The following KCNJ15 variants were observed in gnomAD, a reference collection of about 807,000 sequenced individuals.
KCNJ15 encodes ATP-sensitive inward rectifier potassium channel 15.
Under a neutral mutation model 23.0 loss-of-function variants are expected in KCNJ15, and 14 were observed. That is an observed-to-expected ratio of 0.61 (90% CI 0.40 to 0.95). KCNJ15 has a LOEUF of 0.95. KCNJ15 is among the 40% of genes least tolerant of loss of function. The pLI is 0.00. For missense variants in KCNJ15, 388 were observed against 461.8 expected (o/e 0.84, Z 1.46); for synonymous variants, 185 against 183.2 (o/e 1.01, Z -0.08).
chr21:38,289,447 T>C lies in KCNJ15; in HGVS notation c.-116-7479T>C, dbSNP rs570979174. Among the ~76,000 whole-genome samples, 7 of 152,028 alleles carry C rather than the reference T, an allele frequency of 4.6e-5. 1 individual carries two copies. The highest frequency in any genetic ancestry group is 3.9e-4 in the Admixed American group (6 of 15,274). ...AGAAATCTCTTTCCTAAGGAGAAAA[T>C]TGGGACCAGGAGCAGTGGCTCACAC... On this transcript the variant is annotated intron_variant, in intron 1 of 2. Coordinates refer to ENST00000398938, the MANE Select transcript of KCNJ15 (RefSeq NM_170736.3).
At chr21:38,295,298 C>T (rs1032406772) in intron 1 of KCNJ15, among the ~76,000 whole-genome samples, 1 of 152,156 alleles carries the variant, frequency 6.6e-6, no homozygotes, top group Non-Finnish European at 1.5e-5. Context: ...TCCTGGAAAA[C>T]ACAGCATTCC....
chr21:38,254,707 G>T (rs1304042090), upstream of KCNJ15, among the ~76,000 whole-genome samples: 3 of 152,184 alleles, frequency 2.0e-5, no homozygotes, highest in Non-Finnish European at 2.9e-5. Flanking sequence ...TCGCTCTGTA[G>T]CTGTGTGACT....
intron 1 of KCNJ15, among the ~76,000 whole-genome samples, chr21:38,273,997 C>T (rs1224388265): frequency 6.6e-6 from 1 of 152,208 alleles, no homozygotes; most frequent in Admixed American, 6.5e-5. Flanking sequence ...GTGCTGTGAC[C>T]TTGAGCATTT....
At chr21:38,235,793 G>A (rs1221047907) in intron 1 of KCNJ15, among the ~76,000 whole-genome samples, 1 of 152,112 alleles carries the variant, frequency 6.6e-6, no homozygotes, top group African/African-American at 2.4e-5. Flanking sequence ...AAGATACTGA[G>A]TACTTAAAGT....
chr21:38,271,854 G>A (rs1024645350), intron 1 of KCNJ15, among the ~76,000 whole-genome samples: 1 of 152,180 alleles, frequency 6.6e-6, no homozygotes, highest in African/African-American at 2.4e-5. Flanking sequence ...CCGAAGGCAG[G>A]TGAGATCCAC....
At chr21:38,261,855 G>A (rs1331150819) in intron 1 of KCNJ15, among the ~76,000 whole-genome samples, 1 of 152,184 alleles carries the variant, frequency 6.6e-6, no homozygotes, top group Non-Finnish European at 1.5e-5. Flanking sequence ...GCAGACTTGA[G>A]GGCTTGCCCC....
chr21:38,275,774 G>C (rs1486647472), intron 1 of KCNJ15, among the ~76,000 whole-genome samples: 1 of 152,192 alleles, frequency 6.6e-6, no homozygotes, highest in Non-Finnish European at 1.5e-5. Context: ...AATCAATTGG[G>C]AGTACTTGAA....
rs1985744700 is a variant in KCNJ15, at chr21:38,301,072, C to T, written c.*683C>T. The T allele has an allele frequency of 1.8e-5, 3 of 166,804 alleles. 1 individual carries two copies. The South Asian group carries it at 6.2e-4, about 35-fold the overall frequency. The allele number at this position is 166,804 out of a possible 1,614,324, so 10.3% of individuals were successfully genotyped here. A position where few individuals can be genotyped will look rare whatever the true frequency, so the allele number is the denominator to read the frequency against. Reference sequence around the variant, plus strand: ...TATTTTATTTTATTTATTTTTGAATCCACTATCTCTTTCCATTCAAAATAT... The same window carrying T: ...TATTTTATTTTATTTATTTTTGAATTCACTATCTCTTTCCATTCAAAATAT... On this transcript the variant is annotated 3_prime_UTR_variant, in exon 3 of 3. Coordinates refer to ENST00000398938, the MANE Select transcript of KCNJ15 (RefSeq NM_170736.3).
rs1569028291 is a variant in KCNJ15, at chr21:38,306,490, A to G, written c.*6101A>G. Reference sequence around the variant, plus strand: ...AGAGTAAAGAGCTTCCAAGAAGGTGATTGGAGGGAAGTTCAAAGGGAAGAT... The same window carrying G: ...AGAGTAAAGAGCTTCCAAGAAGGTGGTTGGAGGGAAGTTCAAAGGGAAGAT... On this transcript the variant is annotated 3_prime_UTR_variant, in exon 3 of 3. Coordinates refer to ENST00000398938, the MANE Select transcript of KCNJ15 (RefSeq NM_170736.3). 1 of 152,190 alleles carries G rather than the reference A, an allele frequency of 6.6e-6. No homozygotes were observed. Among genetic ancestry groups the G allele is most frequent in the Non-Finnish European group, 1.5e-5 (1 of 68,020 alleles). 9.4% of individuals were successfully genotyped at this position (152,190 alleles called of 1,614,324 possible). A position where few individuals can be genotyped will look rare whatever the true frequency, so the allele number is the denominator to read the frequency against.
At chr21:38,291,927 T>C (rs146600148) in intron 1 of KCNJ15, among the ~76,000 whole-genome samples, 65 of 152,358 alleles carry the variant, frequency 4.3e-4, no homozygotes, top group Middle Eastern at 6.8e-3. Context: ...TCAGAGTCTA[T>C]GTGAGAATTA....
chr21:38,290,411 GA>G (rs964613919), intron 1 of KCNJ15, among the ~76,000 whole-genome samples: 4 of 152,078 alleles, frequency 2.6e-5, no homozygotes, highest in African/African-American at 9.7e-5. Flanking sequence ...AGAAACATAG[GA>G]AAAAAGCTAC....
chr21:38,266,338 C>T (rs1002175186), intron 1 of KCNJ15, among the ~76,000 whole-genome samples: 10 of 152,052 alleles, frequency 6.6e-5, no homozygotes, highest in African/African-American at 2.2e-4. Flanking sequence ...CCTCCCTATG[C>T]CCATGTATTC....
intron 1 of KCNJ15, among the ~76,000 whole-genome samples, chr21:38,286,262 AAAAC>A (rs893916887): frequency 6.6e-5 from 10 of 152,196 alleles, no homozygotes; most frequent in East Asian, 5.8e-4. Flanking sequence ...AACAAAAACA[AAAAC>A]AAACAAACAA....
At chr21:38,245,770 T>G (rs1979334916) in intron 1 of KCNJ15, among the ~76,000 whole-genome samples, 1 of 152,178 alleles carries the variant, frequency 6.6e-6, no homozygotes, top group Non-Finnish European at 1.5e-5. Context: ...TGTTTACAGC[T>G]GGAAATCAAA....
intron 1 of KCNJ15, among the ~76,000 whole-genome samples, chr21:38,269,582 C>T (rs1981868950): frequency 6.6e-6 from 1 of 152,188 alleles, no homozygotes; most frequent in Non-Finnish European, 1.5e-5. Context: ...AGAAAATCAA[C>T]TTGGCATGCA....
intron 1 of KCNJ15, among the ~76,000 whole-genome samples, chr21:38,235,159 C>G (rs1978516802): frequency 6.6e-6 from 1 of 152,116 alleles, no homozygotes; most frequent in African/African-American, 2.4e-5. Flanking sequence ...TTTGAAGGTT[C>G]TTTCTTGAAG....
intron 1 of KCNJ15, among the ~76,000 whole-genome samples, chr21:38,259,165 A>G (rs1243978854): frequency 6.6e-6 from 1 of 152,192 alleles, no homozygotes; most frequent in African/African-American, 2.4e-5. Flanking sequence ...AAATCTTTGG[A>G]ATATCCTTTC....
At chr21:38,262,726 T>G (rs1214974873) in intron 1 of KCNJ15, among the ~76,000 whole-genome samples, 12 of 151,814 alleles carry the variant, frequency 7.9e-5, no homozygotes, top group Non-Finnish European at 7.4e-5. Context: ...TCACCCAGGC[T>G]GGGGTGCAGT....
intron 1 of KCNJ15, among the ~76,000 whole-genome samples, chr21:38,290,061 C>G (rs1984424939): frequency 6.6e-6 from 1 of 152,204 alleles, no homozygotes; most frequent in Admixed American, 6.5e-5. Context: ...TAACAACAGA[C>G]AGATGTGTAA....
Sources: allele counts gnomAD v4.1 joint callset (sites outside exome capture counted in the v4.1 genomes callset), GRCh38; gene constraint gnomAD v4.1.1; transcripts MANE v1.5; gene names NCBI Gene and HGNC (gene_info 2026-07-23, HGNC 2026-07-21).